Variants in NUMBL observed in about 807,000 individuals in gnomAD.
The protein encoded by NUMBL is numb-like protein.
NUMBL carries 20 observed loss-of-function variants against 48.9 expected under a neutral mutation model. The observed-to-expected ratio is 0.41, with a 90% CI of 0.29 to 0.59. The LOEUF (loss-of-function observed/expected upper bound fraction) is 0.59. NUMBL is among the 20% of genes least tolerant of loss of function. NUMBL has a pLI of 0.31. For synonymous variants in NUMBL, 340 were observed against 348.7 expected (o/e 0.98, Z 0.28); for missense variants, 660 against 846.2 (o/e 0.78, Z 2.73).
At position 40,688,547 on chromosome 19, in the gene NUMBL, T is replaced by G. The variant is rs1279691001; in HGVS notation, c.25-1552A>C. On this transcript the variant is annotated intron_variant, in intron 1 of 9. Transcript: ENST00000252891. The surrounding 1 kb of genome is among the most constrained non-coding windows in gnomAD (Gnocchi z 4.6). ...AAATCACACATTCTAACACAGGTAG[T>G]CCAGCACATACACACAGAGACAAAA... 6.6e-6 allele frequency among the ~76,000 whole-genome samples: 1 copy of G among 151,978 alleles called. No individual in the cohort carries two copies. The highest frequency in any genetic ancestry group is 1.5e-5 in the Non-Finnish European group (1 of 68,018).
At chr19:40,678,189 G>A (rs2081887912) in intron 6 of NUMBL, among the ~76,000 whole-genome samples, 2 of 151,956 alleles carry the variant, frequency 1.3e-5, no homozygotes, top group Non-Finnish European at 1.5e-5. Flanking sequence ...TCTGGGACAG[G>A]GTCTTACTCT....
chr19:40,684,752 C>T, intron 2 of NUMBL, 196 bp from the exon 3 acceptor site: 1 of 741,080 alleles, frequency 1.3e-6, no homozygotes. Flanking sequence ...CCAACAGAAG[C>T]CAGGGGAGTG....
Position 40,666,720 on chromosome 19 carries a change from T to C in NUMBL, c.*748A>G, listed in dbSNP as rs573903863. 18 of 152,814 alleles carry C rather than the reference T, an allele frequency of 1.2e-4. No homozygotes were observed. The highest frequency in any genetic ancestry group is 4.3e-4 in the African/African-American group (18 of 41,530). 9.5% of individuals were successfully genotyped at this position (152,814 alleles called of 1,614,324 possible). Reference sequence around the variant, plus strand: ...ATTCTTCCTTTATTGGCTGTCCTTGTATAATACAAATCTTCAAGTTTAGAT... The same window carrying C: ...ATTCTTCCTTTATTGGCTGTCCTTGCATAATACAAATCTTCAAGTTTAGAT... On this transcript the variant is annotated 3_prime_UTR_variant, in exon 10 of 10. Coordinates refer to ENST00000252891, the MANE Select transcript of NUMBL (RefSeq NM_004756.5).
chr19:40,684,067 A>AGTTT (rs1409026892), intron 3 of NUMBL: 1 of 109,586 alleles, frequency 9.1e-6, no homozygotes, highest in Admixed American at 1.1e-4. Context: ...CTACGCTTCA[A>AGTTT]GTTTTTTTTT....
At position 40,667,999 on chromosome 19, in the gene NUMBL, T is replaced by TTGC. The variant is rs762874826; in HGVS notation, c.1296_1298dup (p.Gln446dup). The TTGC allele has an allele frequency of 5.0e-4, 265 of 534,558 alleles. No individual in the cohort carries two copies. Among genetic ancestry groups the TTGC allele is most frequent in the East Asian group, 5.8e-5 (1 of 17,220 alleles). 33.1% of individuals were successfully genotyped at this position (534,558 alleles called of 1,614,324 possible). On this transcript the variant is annotated inframe_insertion, in exon 10 of 10. Transcript: ENST00000252891. The surrounding 1 kb of genome is among the most constrained non-coding windows in gnomAD (Gnocchi z 6.1). ...GCTGCTGCTGCTGCTGCTGTTGCTG[T>TTGC]TGCTGCTGCTGCTGCTGCTGGGCCT...
At chr19:40,677,961 T>C (rs1244935691) in intron 6 of NUMBL, among the ~76,000 whole-genome samples, 1 of 152,194 alleles carries the variant, frequency 6.6e-6, no homozygotes, top group African/African-American at 2.4e-5. Context: ...TTTCGTTACA[T>C]GGGTGTATGC....
chr19:40,669,066 C>T (rs1303692013), intron 9 of NUMBL, among the ~76,000 whole-genome samples: 1 of 152,002 alleles, frequency 6.6e-6, no homozygotes, highest in African/African-American at 2.4e-5. Flanking sequence ...AAGATTCTAG[C>T]ATGAGCACAT....
In NUMBL at chr19:40,677,430, A is replaced by G. The variant is rs1486075869; in HGVS notation, c.541-9T>C. ...TGGCTCAGCCTCTCGCCCTATGGGGAGAGGATGGGCGGGGGGGTTAGAGGC... is the reference window on the plus strand; with the variant it reads ...TGGCTCAGCCTCTCGCCCTATGGGGGGAGGATGGGCGGGGGGGTTAGAGGC... On this transcript the variant is annotated splice_polypyrimidine_tract_variant and intron_variant, in intron 6 of 9. Coordinates refer to ENST00000252891, the MANE Select transcript of NUMBL (RefSeq NM_004756.5). 3 of 1,604,730 alleles carry G rather than the reference A, an allele frequency of 1.9e-6. No homozygotes were observed. Among genetic ancestry groups the G allele is most frequent in the Admixed American group, 3.3e-5 (2 of 59,792 alleles).
At chr19:40,669,833 T>TGGATAGAGGAGG in intron 9 of NUMBL, 65 bp downstream of exon 9, 2 of 1,577,430 alleles carry the variant, frequency 1.3e-6, no homozygotes, top group South Asian at 2.4e-5. Flanking sequence ...TGGGTAGCCC[T>TGGATAGAGGAGG]GGATAGAGGA....
At chr19:40,672,204 T>G (rs2144651329) in intron 8 of NUMBL, among the ~76,000 whole-genome samples, 1 of 152,318 alleles carries the variant, frequency 6.6e-6, no homozygotes, top group East Asian at 1.9e-4. Context: ...GATCATGATG[T>G]ACACCACCTG....
At chr19:40,675,576 AACACAC>A (rs3071383) in intron 7 of NUMBL, among the ~76,000 whole-genome samples, 8,754 of 142,332 alleles carry the variant, frequency 0.062, 310 homozygotes, top group East Asian at 0.16. Context: ...TTATATTTTA[AACACAC>A]ACACACACAC....
chr19:40,686,966 C>A lies in NUMBL; in HGVS notation c.54G>T (p.Leu18=). The A allele has an allele frequency of 6.5e-7, 1 of 1,534,212 alleles. No individual in the cohort carries two copies. Among genetic ancestry groups the A allele is most frequent in the African/African-American group, 1.4e-5 (1 of 71,858 alleles). ...CCGGGGCCCCACAGGGGGCTGGGGG[C>A]AGGTGCCGCTCAGGCCTCCGGGGTC... The part of the protein sequence containing the change: ...SGGPRRPERH[L]PPAPCGAPGP... Residue 18 remains leucine, a synonymous_variant, in exon 2 of 10, where the codon CTG becomes CTT. Coordinates refer to ENST00000252891, the MANE Select transcript of NUMBL (RefSeq NM_004756.5).
intron 6 of NUMBL, among the ~76,000 whole-genome samples, chr19:40,680,405 C>T (rs567975309): frequency 2.6e-5 from 4 of 151,828 alleles, no homozygotes; most frequent in Admixed American, 1.3e-4. Flanking sequence ...CTGCCTTGGC[C>T]TCCCAAAGTG....
At position 40,682,987 on chromosome 19, in the gene NUMBL, G is replaced by GGT. The variant is rs750424878; in HGVS notation, c.250-20_250-19insAC. On this transcript the variant is annotated intron_variant, in intron 3 of 9. Transcript: ENST00000252891. The surrounding 1 kb of genome is among the most constrained non-coding windows in gnomAD (Gnocchi z 4.0). Reference sequence around the variant, plus strand: ...CCAGGTACTTGGGTTGGAGGGAATGGGGGGGGGGACATGAAACAGCACAGT... The same window carrying GGT: ...CCAGGTACTTGGGTTGGAGGGAATGGGTGGGGGGGGACATGAAACAGCACAGT... 2 of 1,602,128 alleles carry GGT rather than the reference G, an allele frequency of 1.2e-6. No homozygotes were observed. The highest frequency in any genetic ancestry group is 2.2e-5 in the East Asian group (1 of 44,760).
At chr19:40,670,158 C>T in intron 8 of NUMBL, 138 bp from the exon 9 acceptor site, 2 of 1,019,474 alleles carry the variant, frequency 2.0e-6, no homozygotes, top group Non-Finnish European at 2.8e-6. Context: ...GCCATGACCG[C>T]CAAATAACTG....
At chr19:40,681,093 A>T (rs1287406632) in intron 5 of NUMBL, 36 bp from the exon 6 acceptor site, 2 of 1,609,038 alleles carry the variant, frequency 1.2e-6, no homozygotes, top group Non-Finnish European at 1.7e-6. Flanking sequence ...GAAGAGTGTG[A>T]ACTCTCTTTC....
chr19:40,670,146 T>C (rs1162655784), intron 8 of NUMBL, 126 bp from the exon 9 acceptor site: 2 of 1,190,640 alleles, frequency 1.7e-6, no homozygotes, highest in East Asian at 2.7e-5. Context: ...AGTAACTAAG[T>C]GGCCATGACC....
chr19:40,675,576 AAC>A (rs3071383), intron 7 of NUMBL, among the ~76,000 whole-genome samples: 49,028 of 142,108 alleles, frequency 0.35, 8,675 homozygotes, highest in Non-Finnish European at 0.41. Context: ...TTATATTTTA[AAC>A]ACACACACAC....
chr19:40,670,493 G>C (rs2081841551), intron 8 of NUMBL, among the ~76,000 whole-genome samples: 1 of 151,936 alleles, frequency 6.6e-6, no homozygotes, highest in Non-Finnish European at 1.5e-5. Context: ...TGAGAGCAGA[G>C]ATACACCTGT....
Sources: allele counts gnomAD v4.1 joint callset (sites outside exome capture counted in the v4.1 genomes callset), GRCh38; gene constraint gnomAD v4.1.1; non-coding constraint Gnocchi (gnomAD v3.1); transcripts MANE v1.5; gene names NCBI Gene and HGNC (gene_info 2026-07-23, HGNC 2026-07-21).